The following NOX4 variants were observed in gnomAD, a reference collection of about 807,000 sequenced individuals.
NOX4 encodes NADPH oxidase 4.
In NOX4, 69 loss-of-function variants were observed where a neutral mutation model predicts 87.6. The observed-to-expected ratio is 0.79, with a 90% CI of 0.65 to 0.96. NOX4 has a LOEUF of 0.96. NOX4 is among the 40% of genes least tolerant of loss of function. The probability of loss-of-function intolerance (pLI) is 0.00; values close to 1 mark genes in which losing one functional copy is unlikely to be tolerated. For missense variants in NOX4, 680 were observed against 681.5 expected (o/e 1.00, Z 0.02); for synonymous variants, 275 against 238.2 (o/e 1.15, Z -1.42).
At chr11:89,344,992 A>G (rs539546363) in intron 13 of NOX4, among the ~76,000 whole-genome samples, 2 of 152,346 alleles carry the variant, frequency 1.3e-5, no homozygotes, top group South Asian at 4.1e-4. Context: ...GTGATAAACT[A>G]TTCCTCAGGA....
chr11:89,439,573 T>A (rs1669397966), intron 6 of NOX4, among the ~76,000 whole-genome samples: 1 of 152,266 alleles, frequency 6.6e-6, no homozygotes, highest in East Asian at 1.9e-4. Context: ...CTCAGTCCCA[T>A]GTGCAATTCC....
At chr11:89,542,548 T>G in the NOX4 span, among the ~76,000 whole-genome samples, 1 of 152,212 alleles carries the variant, frequency 6.6e-6, no homozygotes. Flanking sequence ...GCCAGGCAGA[T>G]TCTGTCCGGA....
At chr11:89,467,111 G>A (rs1332002461) in intron 2 of NOX4, among the ~76,000 whole-genome samples, 1 of 151,938 alleles carries the variant, frequency 6.6e-6, no homozygotes. Flanking sequence ...CACTTTGGGA[G>A]GCCAAGGCAG....
At chr11:89,573,862 G>A in the NOX4 span, among the ~76,000 whole-genome samples, 4 of 152,048 alleles carry the variant, frequency 2.6e-5, no homozygotes, top group East Asian at 5.8e-4. Context: ...GCCCTCATGC[G>A]CAGTGCCCTC....
intron 2 of NOX4, among the ~76,000 whole-genome samples, chr11:89,476,779 C>T (rs1946186070): frequency 6.6e-6 from 1 of 152,072 alleles, no homozygotes; most frequent in Non-Finnish European, 1.5e-5. Flanking sequence ...AATGGAATAC[C>T]ATGTAGCAGT....
At chr11:89,338,859 A>G (rs909225198) in intron 15 of NOX4, among the ~76,000 whole-genome samples, 1 of 151,542 alleles carries the variant, frequency 6.6e-6, no homozygotes, top group Non-Finnish European at 1.5e-5. Context: ...AAATTAACAC[A>G]CTCTCTACTG....
intron 8 of NOX4, among the ~76,000 whole-genome samples, chr11:89,414,097 C>T (rs1427460561): frequency 1.3e-5 from 2 of 151,958 alleles, no homozygotes; most frequent in Admixed American, 6.6e-5. Context: ...TCAGGAAGCT[C>T]TATAAAAAAC....
At position 89,353,041 on chromosome 11, in the gene NOX4, A is replaced by T. The variant is rs1406764625; in HGVS notation, c.1217+1921T>A. ...ACCATGTTGGCCAAGCTGGTCTCAA[A>T]CTCCTGCCCTCAGGCGATCCACCTG... is the stretch of plus-strand genomic sequence containing the variant. On this transcript the variant is annotated intron_variant, in intron 13 of 17. Transcript: ENST00000263317. 2.6e-5 allele frequency among the ~76,000 whole-genome samples: 4 copies of T among 152,096 alleles called. No homozygotes were observed. The South Asian group carries it at 8.3e-4, about 32-fold the overall frequency.
intron 12 of NOX4, among the ~76,000 whole-genome samples, chr11:89,370,935 T>G (rs1275669623): frequency 6.6e-6 from 1 of 152,026 alleles, no homozygotes; most frequent in Non-Finnish European, 1.5e-5. Flanking sequence ...AGTCCCTGTA[T>G]GCTGCCAATG....
chr11:89,484,989 C>T (rs917506016), intron 2 of NOX4, among the ~76,000 whole-genome samples: 1 of 152,078 alleles, frequency 6.6e-6, no homozygotes, highest in Non-Finnish European at 1.5e-5. Context: ...ATTAAAGCTG[C>T]CCAGGCCAGC....
chr11:89,331,080 T>C, intron 17 of NOX4, among the ~76,000 whole-genome samples: 1 of 151,964 alleles, frequency 6.6e-6, no homozygotes. Flanking sequence ...AGATTGAACA[T>C]ATCCTGGGCA....
chr11:89,493,721 TTTATTATTATTATTATTATTATTA>T (rs200679523), upstream of NOX4, among the ~76,000 whole-genome samples: 4 of 142,292 alleles, frequency 2.8e-5, no homozygotes, highest in African/African-American at 1.0e-4. Flanking sequence ...GCCAGATTGT[TTTATTATTATTATTATTATTATTA>T]TTATTATTAT....
chr11:89,482,780 C>G (rs150908105), intron 2 of NOX4, among the ~76,000 whole-genome samples: 2 of 152,130 alleles, frequency 1.3e-5, no homozygotes, highest in Non-Finnish European at 2.9e-5. Context: ...ATACAAAAAG[C>G]ACACTAACAT....
intron 2 of NOX4, among the ~76,000 whole-genome samples, chr11:89,462,750 A>G (rs1202810301): frequency 6.6e-6 from 1 of 152,102 alleles, no homozygotes; most frequent in African/African-American, 2.4e-5. Flanking sequence ...TTTTAATAGA[A>G]CATAATATAT....
intron 13 of NOX4, among the ~76,000 whole-genome samples, chr11:89,347,920 C>T (rs1946287480): frequency 1.3e-5 from 2 of 152,156 alleles, no homozygotes; most frequent in Admixed American, 6.5e-5. Context: ...TTATCTTTCT[C>T]CTTGGCTTAA....
At chr11:89,521,853 C>T in the NOX4 span, among the ~76,000 whole-genome samples, 8 of 152,092 alleles carry the variant, frequency 5.3e-5, no homozygotes, top group East Asian at 1.6e-3. Context: ...CAAATAACCC[C>T]ATTAAAAAAC....
chr11:89,450,982 A>G (rs1002694479), intron 3 of NOX4, among the ~76,000 whole-genome samples: 5 of 148,626 alleles, frequency 3.4e-5, no homozygotes, highest in African/African-American at 7.4e-5. Context: ...CAAACACCAC[A>G]TGTCCTCACT....
In NOX4 at chr11:89,335,875, A is replaced by G; in HGVS notation, c.1586T>C (p.Leu529Ser). 1.2e-6 allele frequency: 2 copies of G among 1,600,336 alleles called. No individual in the cohort carries two copies. Among genetic ancestry groups the G allele is most frequent in the African/African-American group, 1.3e-5 (1 of 74,536 alleles). The part of the protein sequence containing the change: ...LFIGRPRWKL[L>S]FDEIAKYNRG... Reference sequence around the variant, plus strand: ...GTTATATTTTGCTATTTCATCAAACAAAAGTTTCCACCGAGGACGTCCTAT... The same window carrying G: ...GTTATATTTTGCTATTTCATCAAACGAAAGTTTCCACCGAGGACGTCCTAT... The change falls in exon 17 of 18, where the codon TTG (leucine) becomes TCG (serine). Residue 529 changes from leucine to serine, a missense_variant. Transcript: ENST00000263317.
chr11:89,392,339 G>A (rs317153), intron 11 of NOX4, among the ~76,000 whole-genome samples: 9,242 of 152,112 alleles, frequency 0.061, 587 homozygotes, highest in African/African-American at 0.16. Flanking sequence ...GTGAAGGCCC[G>A]GGGTGAGATG....
Sources: allele counts gnomAD v4.1 joint callset (sites outside exome capture counted in the v4.1 genomes callset), GRCh38; gene constraint gnomAD v4.1.1; transcripts MANE v1.5; gene names NCBI Gene and HGNC (gene_info 2026-07-23, HGNC 2026-07-21).